Variants in RNLS observed in about 807,000 individuals in gnomAD.
The protein encoded by RNLS is renalase.
In RNLS, 39 loss-of-function variants were observed where a neutral mutation model predicts 39.8. The observed-to-expected ratio is 0.98, with a 90% CI of 0.76 to 1.28. The LOEUF is 1.28. Ranked by LOEUF, RNLS falls within the 50% of genes most tolerant of loss-of-function variation. RNLS has a pLI of 0.00. For missense variants in RNLS, 410 were observed against 413.3 expected, an observed-to-expected ratio of 0.99 and a Z score of 0.07; for synonymous variants, 147 against 150.7, an observed-to-expected ratio of 0.98 and a Z score of 0.18.
chr10:88,229,654 TAACA>T, the RNLS span, among the ~76,000 whole-genome samples: 69,820 of 151,640 alleles, frequency 0.46, 16,140 homozygotes, highest in East Asian at 0.56. Flanking sequence ...CTTTGTCCAT[TAACA>T]ATCACTCCTT....
chr10:88,500,313 A>G lies in RNLS; in HGVS notation c.526+72590T>C, dbSNP rs117938616. 8.6e-3 allele frequency among the ~76,000 whole-genome samples: 1,304 copies of G among 152,268 alleles called. 20 individuals are homozygous for G. The highest frequency in any genetic ancestry group is 0.033 in the East Asian group (173 of 5,188). On this transcript the variant is annotated intron_variant, in intron 4 of 6. Transcript: ENST00000331772. ...TTCAGGAGAGCCATATGACTCATTT[A>G]GAACACTGAGATTAAGACAAAAGAT...
intron 4 of RNLS, among the ~76,000 whole-genome samples, chr10:88,488,204 G>A (rs903344681): frequency 5.9e-5 from 9 of 151,938 alleles, no homozygotes; most frequent in South Asian, 2.1e-4. Flanking sequence ...ATATACTTTC[G>A]ATATGTGCAG....
chr10:88,525,728 G>C (rs142802782), intron 4 of RNLS, among the ~76,000 whole-genome samples: 16 of 152,114 alleles, frequency 1.1e-4, no homozygotes, highest in Admixed American at 1.0e-3. Flanking sequence ...GGTCAAGTAG[G>C]TGGTAAAGAA....
the RNLS span, among the ~76,000 whole-genome samples, chr10:88,247,118 C>T: frequency 1.3e-4 from 19 of 151,958 alleles, no homozygotes; most frequent in African/African-American, 2.4e-4. Flanking sequence ...TGGCCAGAGT[C>T]GGGGAGAAAG....
intron 4 of RNLS, among the ~76,000 whole-genome samples, chr10:88,463,147 T>TA (rs1433146970): frequency 2.0e-5 from 3 of 152,030 alleles, no homozygotes; most frequent in African/African-American, 7.2e-5. Flanking sequence ...TAAGCCCCAG[T>TA]ACCTCATAAT....
chr10:88,347,472 A>C (rs1025339399), intron 5 of RNLS, among the ~76,000 whole-genome samples: 3 of 152,200 alleles, frequency 2.0e-5, no homozygotes, highest in Non-Finnish European at 4.4e-5. Context: ...GTTATCAAAT[A>C]GATGTCGATA....
At chr10:88,360,089 A>T (rs1342759012) in intron 5 of RNLS, among the ~76,000 whole-genome samples, 1 of 152,180 alleles carries the variant, frequency 6.6e-6, no homozygotes, top group Non-Finnish European at 1.5e-5. Context: ...AATGTACATG[A>T]CTCTTTTTAT....
the RNLS span, among the ~76,000 whole-genome samples, chr10:88,212,681 T>C: frequency 6.6e-6 from 1 of 152,204 alleles, no homozygotes; most frequent in Non-Finnish European, 1.5e-5. Context: ...GAGGATTGAA[T>C]GTACTAGAAA....
chr10:88,250,426 A>G, the RNLS span, among the ~76,000 whole-genome samples: 2 of 152,250 alleles, frequency 1.3e-5, no homozygotes, highest in Non-Finnish European at 2.9e-5. Context: ...TCAAATGCCA[A>G]CAGGGCCTGG....
chr10:88,424,727 A>G (rs1035710493), intron 4 of RNLS, among the ~76,000 whole-genome samples: 4 of 152,166 alleles, frequency 2.6e-5, no homozygotes, highest in African/African-American at 9.7e-5. Context: ...ATGATAGTAA[A>G]TACACGATGA....
intron 4 of RNLS, among the ~76,000 whole-genome samples, chr10:88,519,950 C>T (rs1846631550): frequency 6.6e-6 from 1 of 151,834 alleles, no homozygotes; most frequent in Non-Finnish European, 1.5e-5. Context: ...GTGCCCATGT[C>T]TTATGGATAC....
chr10:88,319,227 A>G (rs145217827), intron 5 of RNLS, among the ~76,000 whole-genome samples: 1 of 152,216 alleles, frequency 6.6e-6, no homozygotes, highest in African/African-American at 2.4e-5. Context: ...AAATGATCAT[A>G]CACAACATAC....
intron 5 of RNLS, among the ~76,000 whole-genome samples, chr10:88,358,652 G>T (rs1169881635): frequency 6.6e-6 from 1 of 152,186 alleles, no homozygotes; most frequent in Non-Finnish European, 1.5e-5. Context: ...GGATATTGGG[G>T]CATATTCATA....
chr10:88,317,985 G>A (rs1425331387), intron 5 of RNLS, among the ~76,000 whole-genome samples: 4 of 152,194 alleles, frequency 2.6e-5, no homozygotes, highest in Non-Finnish European at 2.9e-5. Context: ...CACGGGCAAT[G>A]CTGTCAGTGG....
At chr10:88,256,036 A>G in the RNLS span, among the ~76,000 whole-genome samples, 1 of 152,228 alleles carries the variant, frequency 6.6e-6, no homozygotes, top group Non-Finnish European at 1.5e-5. Flanking sequence ...AGGGAGGAGA[A>G]TAAGTTTCAG....
chr10:88,314,649 A>C lies in RNLS; in HGVS notation c.701-8T>G, dbSNP rs1278986783. 1.2e-6 allele frequency: 2 copies of C among 1,608,778 alleles called. No homozygotes were observed. The highest frequency in any genetic ancestry group is 2.2e-5 in the East Asian group (1 of 44,778). On this transcript the variant is annotated splice_region_variant and splice_polypyrimidine_tract_variant and intron_variant, in intron 5 of 6. Coordinates refer to ENST00000331772, the MANE Select transcript of RNLS (RefSeq NM_001031709.3). ...GCCCAATTTCTGATGACTCTGTGGC[A>C]TAAGAGGATCATAAAGATGCATCTT...
At chr10:88,196,686 T>C in the RNLS span, among the ~76,000 whole-genome samples, 5 of 152,206 alleles carry the variant, frequency 3.3e-5, no homozygotes, top group Non-Finnish European at 5.9e-5. Context: ...GCCAGACTTA[T>C]AGCTTGAGGT....
chr10:88,253,060 G>C, the RNLS span, among the ~76,000 whole-genome samples: 1 of 152,184 alleles, frequency 6.6e-6, no homozygotes. Context: ...TCTGGAGCTT[G>C]CTAAGATAAA....
intron 6 of RNLS, among the ~76,000 whole-genome samples, chr10:88,297,626 A>G (rs758011661): frequency 6.6e-6 from 1 of 152,212 alleles, no homozygotes; most frequent in Non-Finnish European, 1.5e-5. Context: ...TCTTTCATAT[A>G]ACATGTTTTC....
Sources: gnomAD v4.1 joint callset for allele counts (sites outside exome capture counted in the v4.1 genomes callset) on GRCh38, gnomAD v4.1.1 for gene constraint, MANE v1.5 for transcripts, NCBI Gene and HGNC (gene_info 2026-07-23, HGNC 2026-07-21) for gene names.